The following SUPT6H variants were observed in gnomAD, a reference collection of about 807,000 sequenced individuals.
SUPT6H encodes the protein transcription elongation factor SPT6.
SUPT6H carries 11 observed loss-of-function variants against 222.3 expected under a neutral mutation model. The observed-to-expected ratio is 0.05, with a 90% CI of 0.03 to 0.08. The LOEUF (loss-of-function observed/expected upper bound fraction) is 0.08, where lower values mean the gene tolerates loss of function less well. Among genes scored for constraint, SUPT6H ranks in the 10% least tolerant of loss-of-function variants. The pLI is 1.00. For missense variants in SUPT6H, 1,422 were observed against 2,216.0 expected, an observed-to-expected ratio of 0.64 and a Z score of 7.19; for synonymous variants, 762 against 801.2, an observed-to-expected ratio of 0.95 and a Z score of 0.83.
intron 1 of SUPT6H, chr17:28,672,826 C>T (rs966786600): frequency 1.3e-5 from 2 of 152,272 alleles, no homozygotes; most frequent in African/African-American, 4.8e-5. Flanking sequence ...CCTCAGCCTC[C>T]TGAGTAGCCT....
intron 6 of SUPT6H, among the ~76,000 whole-genome samples, 186 bp downstream of exon 6, chr17:28,675,671 T>A (rs764122905): frequency 5.9e-5 from 9 of 152,218 alleles, no homozygotes; most frequent in Non-Finnish European, 8.8e-5. Context: ...GAGCTGTCTC[T>A]GCACTCTAGG....
chr17:28,690,775 A>AAAAT (rs1048547848), intron 26 of SUPT6H, 146 bp from the exon 27 acceptor site: 4 of 996,786 alleles, frequency 4.0e-6, no homozygotes, highest in East Asian at 2.7e-5. Flanking sequence ...CTTCATCTCA[A>AAAAT]AAATAAATAA....
intron 1 of SUPT6H, among the ~76,000 whole-genome samples, chr17:28,663,577 T>C (rs1297282104): frequency 6.6e-6 from 1 of 152,116 alleles, no homozygotes; most frequent in African/African-American, 2.4e-5. Flanking sequence ...CTACCATCAG[T>C]CCTGCCTGTA....
rs1160679337 is a variant in SUPT6H at position 28,701,519 on chromosome 17, A to T, written c.5075A>T (p.Gln1692Leu). 1 of 1,614,156 alleles carries T rather than the reference A, an allele frequency of 6.2e-7. No homozygotes were observed. Residue 1692 changes from glutamine (Q) to leucine (L), a missense_variant, in exon 37 of 37, where the codon CAG (glutamine) becomes CTG (leucine). Around this residue, in one of 13 missense-constraint regions of SUPT6H, gnomAD observed 395 missense variants for 580.6 expected, o/e 0.68. Transcript: ENST00000314616. ...GAAAAGGAGGCAGAACGGCGGAAAC[A>T]GAAGCAGCGGCTGACACCTCGGCCC... ...LQEKEAERRK[Q>L]KQRLTPRPSP...
At chr17:28,680,868 C>CT (rs898325270) in intron 11 of SUPT6H, among the ~76,000 whole-genome samples, 1 of 152,166 alleles carries the variant, frequency 6.6e-6, no homozygotes, top group South Asian at 2.1e-4. Flanking sequence ...AGGATGGTCT[C>CT]TATCTCCTGA....
intron 6 of SUPT6H, 88 bp downstream of exon 6, chr17:28,675,573 G>C (rs2030696891): frequency 7.1e-7 from 1 of 1,402,032 alleles, no homozygotes; most frequent in Non-Finnish European, 1.0e-6. Context: ...GCCAAAAATG[G>C]GGCATTCCCA....
At position 28,674,419 on chromosome 17, in the gene SUPT6H, T is replaced by G; in HGVS notation, c.246T>G (p.Val82=). 1.9e-6 allele frequency: 3 copies of G among 1,613,806 alleles called. No homozygotes were observed. Among genetic ancestry groups the G allele is most frequent in the Non-Finnish European group, 2.5e-6 (3 of 1,179,834 alleles). The part of the protein sequence containing the change: ...GSDSGDSEDD[V]GHKKRKRTSF... The stretch of plus-strand genomic sequence containing the variant: ...ACTCTGGTGATTCAGAAGATGATGT[T>G]GGCCACAAGAAGAGAAAACGCAGTG... Residue 82 remains valine (V), a synonymous_variant, in exon 3 of 37, where the codon GTT becomes GTG. Transcript: ENST00000314616.
chr17:28,684,456 A>T, intron 17 of SUPT6H, 130 bp from the exon 18 acceptor site: 1 of 1,120,910 alleles, frequency 8.9e-7, no homozygotes, highest in Non-Finnish European at 1.3e-6. Flanking sequence ...GCCAATGGCT[A>T]GGAACATCTG....
intron 6 of SUPT6H, 71 bp downstream of exon 6, chr17:28,675,556 GGCCTTT>G: frequency 9.7e-6 from 15 of 1,538,520 alleles, no homozygotes; most frequent in Admixed American, 1.7e-5. Context: ...GGAGATCAGA[GGCCTTT>G]GCCAAAAATG....
At chr17:28,693,952 G>A in intron 28 of SUPT6H, 116 bp downstream of exon 28, 1 of 1,385,772 alleles carries the variant, frequency 7.2e-7, no homozygotes, top group Admixed American at 2.1e-5. Context: ...GGCTGCTGGT[G>A]GGAAGTGTTT....
At chr17:28,700,769 A>AC in intron 35 of SUPT6H, 172 bp from the exon 36 acceptor site, 11 of 952,736 alleles carry the variant, frequency 1.2e-5, no homozygotes, top group Non-Finnish European at 1.7e-5. Flanking sequence ...AGTGGGCACC[A>AC]CTGTGTGCTC....
intron 1 of SUPT6H, among the ~76,000 whole-genome samples, chr17:28,668,116 T>C (rs970695838): frequency 4.6e-5 from 7 of 152,142 alleles, no homozygotes; most frequent in Non-Finnish European, 2.9e-5. Flanking sequence ...GCCTCTCCCA[T>C]TGAGCCACAT....
chr17:28,692,003 G>A (rs2031677130), intron 27 of SUPT6H, among the ~76,000 whole-genome samples: 1 of 151,858 alleles, frequency 6.6e-6, no homozygotes. Context: ...GGGCAACATA[G>A]CAAGACCCCA....
At chr17:28,667,462 T>A (rs1597683643) in intron 1 of SUPT6H, among the ~76,000 whole-genome samples, 1 of 141,472 alleles carries the variant, frequency 7.1e-6, no homozygotes, top group Admixed American at 7.2e-5. Flanking sequence ...TACATATGTA[T>A]GTATATGTGT....
At position 28,700,223 on chromosome 17, in the gene SUPT6H, G is replaced by A. The variant is rs767015979; in HGVS notation, c.4612G>A (p.Ala1538Thr). ...SRTRTPASIN[A>T]TPANINLADL... ...GACCCGGACACCTGCCTCTATCAAT[G>A]CTACCCCAGCCAACATCAACCTTGC... is the stretch of plus-strand genomic sequence containing the variant. The change falls in exon 34 of 37, where the codon GCT (alanine) becomes ACT (threonine). Residue 1538 changes from alanine (A) to threonine (T), a missense_variant. By Grantham distance (58) the Ala-to-Thr change is moderately conservative. Coordinates refer to ENST00000314616, the MANE Select transcript of SUPT6H (RefSeq NM_003170.5). 6.2e-7 allele frequency: 1 copy of A among 1,614,234 alleles called. No homozygotes were observed. The highest frequency in any genetic ancestry group is 2.2e-5 in the East Asian group (1 of 44,892).
intron 1 of SUPT6H, chr17:28,670,452 T>C (rs1197151306): frequency 6.6e-6 from 1 of 152,194 alleles, no homozygotes; most frequent in Non-Finnish European, 1.5e-5. Flanking sequence ...ATTATTTTGA[T>C]TGGGTTTTGT....
chr17:28,666,348 G>T (rs2030008832), intron 1 of SUPT6H, among the ~76,000 whole-genome samples: 1 of 152,144 alleles, frequency 6.6e-6, no homozygotes, highest in Non-Finnish European at 1.5e-5. Flanking sequence ...GGCAGATTTG[G>T]CCCTATAGAG....
chr17:28,681,248 T>C lies in SUPT6H; in HGVS notation c.1350-8T>C, dbSNP rs2151630781. 1 of 1,613,500 alleles carries C rather than the reference T, an allele frequency of 6.2e-7. No homozygotes were observed. Among genetic ancestry groups the C allele is most frequent in the Non-Finnish European group, 8.5e-7 (1 of 1,179,880 alleles). On this transcript the variant is annotated splice_region_variant and splice_polypyrimidine_tract_variant and intron_variant, in intron 11 of 36. Transcript: ENST00000314616. ...GATGACTGAAACCTTATGTCTCTTC[T>C]TTTTCAGGCTCAAGGATGTCCAATC...
intron 12 of SUPT6H, 23 bp downstream of exon 12, chr17:28,681,427 C>G: frequency 6.4e-7 from 1 of 1,566,732 alleles, no homozygotes; most frequent in Admixed American, 1.9e-5. Context: ...AAAGAAAATC[C>G]AGGAGATTTG....
Sources: gnomAD v4.1 joint callset for allele counts (sites outside exome capture counted in the v4.1 genomes callset) on GRCh38, gnomAD v4.1.1 for gene constraint, gnomAD v4.1.1 regional missense constraint, MANE v1.5 for transcripts, NCBI Gene and HGNC (gene_info 2026-07-23, HGNC 2026-07-21) for gene names.